OSCP1: variants seen among roughly 807,000 people sequenced by gnomAD.
OSCP1 encodes the protein organic solute carrier partner 1.
Under a neutral mutation model 45.1 loss-of-function variants are expected in OSCP1, and 35 were observed. The observed-to-expected ratio is 0.78, with a 90% CI of 0.59 to 1.03. OSCP1 has a LOEUF of 1.03. Ranked by LOEUF, OSCP1 falls within the 50% of genes least tolerant of loss-of-function variation. The pLI is 0.00. For missense variants in OSCP1, 400 were observed against 470.7 expected (o/e 0.85, Z 1.39); for synonymous variants, 179 against 180.1 (o/e 0.99, Z 0.05).
chr1:36,434,612 T>C (rs896081690), intron 2 of OSCP1, among the ~76,000 whole-genome samples: 1 of 151,634 alleles, frequency 6.6e-6, no homozygotes, highest in Non-Finnish European at 1.5e-5. Context: ...TAGCCGGGTG[T>C]GGTGGTGCGT....
At chr1:36,440,894 A>T (rs1649095979) in intron 1 of OSCP1, 1 of 152,272 alleles carries the variant, frequency 6.6e-6, no homozygotes, top group Admixed American at 6.5e-5. Flanking sequence ...GTTAATGCTT[A>T]CAAAGGGCTG....
intron 1 of OSCP1, among the ~76,000 whole-genome samples, chr1:36,443,519 T>C (rs1435459809): frequency 6.6e-6 from 1 of 152,226 alleles, no homozygotes; most frequent in African/African-American, 2.4e-5. Flanking sequence ...GCATGCATGA[T>C]GTCATGCCTT....
Position 36,431,843 on chromosome 1 carries a change from G to A in OSCP1, c.475C>T (p.Arg159Trp), listed in dbSNP as rs569111580. ...TGGAAGAAGATGAGGAGTGTCTGCC[G>A]GATCAGCTGGAACTCCCCTGCAGAG... ...GLSAGEFQLI[R>W]QTLLIFFQDL... is the part of the protein sequence containing the mutation. The change falls in exon 4 of 10, where the codon CGG becomes TGG. Residue 159 changes from arginine (R) to tryptophan (W), a missense_variant. By Grantham distance (101) the Arg-to-Trp change is moderately radical. Transcript: ENST00000235532. The A allele has an allele frequency of 9.9e-6, 16 of 1,613,412 alleles. No homozygotes were observed. The highest frequency in any genetic ancestry group is 7.7e-5 in the South Asian group (7 of 91,044).
chr1:36,423,982 G>A (rs1257240951), intron 4 of OSCP1, among the ~76,000 whole-genome samples: 1 of 151,264 alleles, frequency 6.6e-6, no homozygotes, highest in Admixed American at 6.6e-5. Flanking sequence ...GACTCACTTT[G>A]TCACCCAGGC....
intron 8 of OSCP1, 76 bp downstream of exon 8, chr1:36,420,394 CACTGGT>C: frequency 6.9e-7 from 1 of 1,440,228 alleles, no homozygotes; most frequent in Non-Finnish European, 9.4e-7. Flanking sequence ...TTATAAGTGC[CACTGGT>C]TTGTAATAGT....
At chr1:36,432,939 C>T (rs1468579114) in intron 2 of OSCP1, among the ~76,000 whole-genome samples, 1 of 152,208 alleles carries the variant, frequency 6.6e-6, no homozygotes, top group African/African-American at 2.4e-5. Context: ...AATTTAAGTA[C>T]TCCTTTCCTC....
At chr1:36,421,564 C>T (rs548024008) in intron 7 of OSCP1, among the ~76,000 whole-genome samples, 2 of 152,304 alleles carry the variant, frequency 1.3e-5, no homozygotes, top group African/African-American at 4.8e-5. Flanking sequence ...TTTCTTTCAC[C>T]GTCTTTCCCA....
intron 5 of OSCP1, 58 bp downstream of exon 5, chr1:36,423,304 GC>G: frequency 7.6e-7 from 1 of 1,322,158 alleles, no homozygotes; most frequent in African/African-American, 1.4e-5. Flanking sequence ...TCCGTGTGCG[GC>G]CCATGTGCTG....
chr1:36,420,127 C>T, intron 8 of OSCP1, among the ~76,000 whole-genome samples: 1 of 151,790 alleles, frequency 6.6e-6, no homozygotes, highest in East Asian at 1.9e-4. Context: ...AGGTGCGTGC[C>T]ACCACACCCA....
Position 36,438,908 on chromosome 1 carries a change from G to C in OSCP1, c.115C>G (p.Leu39Val). The C allele has an allele frequency of 2.5e-6, 4 of 1,613,628 alleles. No homozygotes were observed. Among genetic ancestry groups the C allele is most frequent in the Non-Finnish European group, 3.4e-6 (4 of 1,179,824 alleles). Residue 39 changes from leucine (L) to valine (V), a missense_variant and splice_region_variant, in exon 2 of 10, where the codon CTG becomes GTG. Coordinates refer to ENST00000235532, the MANE Select transcript of OSCP1 (RefSeq NM_145047.5). Reference protein sequence around the residue: ...NIPGDKARKVLNDIISTMFNR... With the variant: ...NIPGDKARKVVNDIISTMFNR... ...AACATGGTGGAGATGATGTCATTCAGAACTGCAGAGACAAGAGAGAACACA... is the reference window on the plus strand; with the variant it reads ...AACATGGTGGAGATGATGTCATTCACAACTGCAGAGACAAGAGAGAACACA...
chr1:36,421,999 C>G, intron 7 of OSCP1, 151 bp downstream of exon 7: 1 of 711,706 alleles, frequency 1.4e-6, no homozygotes. Context: ...CAATTAAAAC[C>G]TGTGTACTCG....
chr1:36,443,967 A>C (rs1649351388), intron 1 of OSCP1: 1 of 1,601,814 alleles, frequency 6.2e-7, no homozygotes, highest in South Asian at 1.1e-5. Context: ...GAACCTGTGG[A>C]TGCACACTGA....
chr1:36,432,698 G>C, intron 2 of OSCP1, 109 bp from the exon 3 acceptor site: 1 of 1,292,918 alleles, frequency 7.7e-7, no homozygotes, highest in Non-Finnish European at 1.1e-6. Flanking sequence ...CTCTGGGCTT[G>C]CCATACAGCT....
At chr1:36,420,730 T>G in intron 7 of OSCP1, 115 bp from the exon 8 acceptor site, 6 of 1,352,640 alleles carry the variant, frequency 4.4e-6, no homozygotes, top group Non-Finnish European at 6.0e-6. Context: ...CTATTTAAAT[T>G]ATTTCTGGGT....
rs752768672 is a variant in OSCP1, at chr1:36,431,792, A to C, written c.516+10T>G. 6.2e-7 allele frequency: 1 copy of C among 1,613,004 alleles called. No homozygotes were observed. The highest frequency in any genetic ancestry group is 8.5e-7 in the Non-Finnish European group (1 of 1,179,644). On this transcript the variant is annotated intron_variant, in intron 4 of 9. Transcript: ENST00000235532. ...CTCCTGAGTGTTCCCAGGGCTGCCT[A>C]TTGACTTACTCGGATGTGCAGGTCT...
intron 1 of OSCP1, among the ~76,000 whole-genome samples, chr1:36,445,840 G>A (rs1481492592): frequency 6.6e-6 from 1 of 151,850 alleles, no homozygotes; most frequent in Admixed American, 6.6e-5. Context: ...TCAGCCTCCC[G>A]AGTAGCTGGG....
intron 1 of OSCP1, among the ~76,000 whole-genome samples, chr1:36,449,410 A>G (rs1649738807): frequency 1.4e-5 from 2 of 139,072 alleles, no homozygotes; most frequent in Non-Finnish European, 3.2e-5. Context: ...ACTTGTGAGG[A>G]GATTTATAAC....
chr1:36,423,853 G>A (rs1166456242), intron 4 of OSCP1, among the ~76,000 whole-genome samples: 2 of 151,660 alleles, frequency 1.3e-5, no homozygotes, highest in Non-Finnish European at 2.9e-5. Flanking sequence ...CAGCCTGGGC[G>A]ACAGAGTAAG....
At chr1:36,422,667 C>T in intron 6 of OSCP1, 101 bp downstream of exon 6, 1 of 1,223,762 alleles carries the variant, frequency 8.2e-7, no homozygotes, top group Non-Finnish European at 1.1e-6. Context: ...CTATTGTCGG[C>T]AGGGATTTTC....
Sources: gnomAD v4.1 joint callset for allele counts (sites outside exome capture counted in the v4.1 genomes callset) on GRCh38, gnomAD v4.1.1 for gene constraint, MANE v1.5 for transcripts, NCBI Gene and HGNC (gene_info 2026-07-23, HGNC 2026-07-21) for gene names.